The following CWC25 variants were observed in gnomAD, a reference collection of about 807,000 sequenced individuals.
CWC25 encodes the protein pre-mRNA-splicing factor CWC25 homolog.
A neutral mutation model predicts 54.6 loss-of-function variants in CWC25; 31 were observed. That is an observed-to-expected ratio of 0.57 (90% CI 0.43 to 0.77). The LOEUF (loss-of-function observed/expected upper bound fraction) is 0.77, where lower values mean the gene tolerates loss of function less well. Ranked by LOEUF, CWC25 falls within the 30% of genes least tolerant of loss-of-function variation. The pLI is 0.00. For missense variants in CWC25, 453 were observed against 529.3 expected (o/e 0.86, Z 1.41); for synonymous variants, 151 against 187.0 (o/e 0.81, Z 1.57).
chr17:38,810,314 GCT>G, intron 5 of CWC25, 152 bp downstream of exon 5: 1 of 743,180 alleles, frequency 1.3e-6, no homozygotes, highest in East Asian at 2.9e-5. Flanking sequence ...TAGATGGCAA[GCT>G]CTGTGGGCAC....
chr17:38,803,601 G>C (rs1273485713), intron 8 of CWC25, among the ~76,000 whole-genome samples: 5 of 151,586 alleles, frequency 3.3e-5, no homozygotes, highest in Non-Finnish European at 7.4e-5. Flanking sequence ...CTGCACTCCA[G>C]CCTGGGTGAC....
chr17:38,802,892 C>T (rs1323457441), intron 8 of CWC25, 31 bp from the exon 9 acceptor site: 2 of 1,611,634 alleles, frequency 1.2e-6, no homozygotes, highest in Non-Finnish European at 1.7e-6. Context: ...ACGATCAGGT[C>T]TCTTCCAGCA....
intron 3 of CWC25, among the ~76,000 whole-genome samples, chr17:38,814,177 T>A (rs1398719726): frequency 6.6e-6 from 1 of 152,096 alleles, no homozygotes; most frequent in Non-Finnish European, 1.5e-5. Flanking sequence ...TGTTTTTTGA[T>A]GGTTATAGAG....
chr17:38,819,509 A>C (rs1352149735), intron 2 of CWC25, among the ~76,000 whole-genome samples: 2 of 151,660 alleles, frequency 1.3e-5, no homozygotes, highest in Non-Finnish European at 2.9e-5. Context: ...TAGGACTACA[A>C]ATGCATGCTA....
chr17:38,816,084 T>C (rs1472983661), intron 2 of CWC25, among the ~76,000 whole-genome samples: 2 of 151,956 alleles, frequency 1.3e-5, no homozygotes, highest in African/African-American at 4.8e-5. Flanking sequence ...AAAAAAGTGG[T>C]GAGAAAGTGG....
intron 2 of CWC25, 140 bp downstream of exon 2, chr17:38,820,761 A>C: frequency 9.6e-7 from 1 of 1,043,576 alleles, no homozygotes; most frequent in Non-Finnish European, 1.4e-6. Flanking sequence ...GTACATGCAA[A>C]GCCAACCTTA....
Position 38,802,859 on chromosome 17 carries a change from T to A in CWC25, c.1004A>T (p.Lys335Ile). 1 of 1,613,882 alleles carries A rather than the reference T, an allele frequency of 6.2e-7. No homozygotes were observed. Among genetic ancestry groups the A allele is most frequent in the Non-Finnish European group, 8.5e-7 (1 of 1,179,864 alleles). Residue 335 changes from lysine to isoleucine, a missense_variant and splice_region_variant, in exon 9 of 10, where the codon AAA becomes ATA. By Grantham distance (102) the Lys-to-Ile change is moderately radical. Coordinates refer to ENST00000614790, the MANE Select transcript of CWC25 (RefSeq NM_017748.5). ...QRRHAPGYTR[K>I]LSAEELERKR... The stretch of plus-strand genomic sequence containing the variant: ...TCGCTCTAATTCCTCTGCAGAGAGT[T>A]TTCTGTTGAGCACAGAAACCATACG...
Position 38,825,213 on chromosome 17 carries a change from A to G in CWC25, c.-30T>C. ...GTGGAGACGATTCCTCACTACGCGG[A>G]TCTGGAAGATTTCGGGAGGATCAAG... On this transcript the variant is annotated 5_prime_UTR_variant, in exon 1 of 10. Transcript: ENST00000614790. 1 of 1,584,076 alleles carries G rather than the reference A, an allele frequency of 6.3e-7. No homozygotes were observed. Among genetic ancestry groups the G allele is most frequent in the Non-Finnish European group, 8.6e-7 (1 of 1,166,384 alleles).
chr17:38,821,002 A>G lies in CWC25; in HGVS notation c.90T>C (p.His30=), dbSNP rs1911901145. 2.5e-6 allele frequency: 4 copies of G among 1,613,892 alleles called. No individual in the cohort carries two copies. The East Asian group carries it at 6.7e-5, about 27-fold the overall frequency. The change falls in exon 2 of 10, where the codon CAT becomes CAC. Residue 30 remains histidine, a synonymous_variant. Coordinates refer to ENST00000614790, the MANE Select transcript of CWC25 (RefSeq NM_017748.5). The part of the protein sequence containing the change: ...VEKVWKAEQK[H]EAERKKIEEL... Reference sequence around the variant, plus strand: ...CCTCAATCTTCTTCCGCTCAGCCTCATGCTTCTGCTCGGCCTTCCACACTT... The same window carrying G: ...CCTCAATCTTCTTCCGCTCAGCCTCGTGCTTCTGCTCGGCCTTCCACACTT...
intron 1 of CWC25, among the ~76,000 whole-genome samples, chr17:38,823,931 A>G (rs1912031814): frequency 6.6e-6 from 1 of 152,206 alleles, no homozygotes; most frequent in African/African-American, 2.4e-5. Context: ...TACCACCACT[A>G]CCACACACCC....
intron 4 of CWC25, among the ~76,000 whole-genome samples, chr17:38,812,487 C>T (rs529378354): frequency 1.6e-4 from 24 of 152,080 alleles, no homozygotes; most frequent in Non-Finnish European, 2.6e-4. Context: ...ATTAGCCGGG[C>T]GTGGTGGCAC....
rs769955663 is a variant in CWC25, at chr17:38,812,874, G to A, written c.429-10C>T. 1.6e-5 allele frequency: 23 copies of A among 1,430,294 alleles called. No homozygotes were observed. The South Asian group carries it at 2.2e-4, about 14-fold the overall frequency. 88.6% of individuals were successfully genotyped at this position (1,430,294 alleles called of 1,614,324 possible). ...CTCCTCCTCCTTCTTCCTAAAGAGA[G>A]ATAATTACAAAATTCATGACTATTT... On this transcript the variant is annotated splice_polypyrimidine_tract_variant and intron_variant, in intron 3 of 9. Transcript: ENST00000614790.
At chr17:38,824,721 T>TTAGGG (rs964095845) in intron 1 of CWC25, among the ~76,000 whole-genome samples, 167 of 152,128 alleles carry the variant, frequency 1.1e-3, no homozygotes, top group African/African-American at 3.9e-3. Flanking sequence ...AGGGCATGGC[T>TTAGGG]TAGGGTAGGG....
chr17:38,813,017 T>C (rs1911552787), intron 3 of CWC25, among the ~76,000 whole-genome samples, 153 bp from the exon 4 acceptor site: 1 of 152,036 alleles, frequency 6.6e-6, no homozygotes, highest in Non-Finnish European at 1.5e-5. Flanking sequence ...TCCCAGCTAC[T>C]TGGGAGGAGG....
chr17:38,818,044 G>A (rs1331203101), intron 2 of CWC25, among the ~76,000 whole-genome samples: 2 of 151,648 alleles, frequency 1.3e-5, no homozygotes, highest in East Asian at 1.9e-4. Context: ...TTGGGAGGCT[G>A]AAGCGGGCAG....
At chr17:38,816,333 T>C (rs1002122050) in intron 2 of CWC25, among the ~76,000 whole-genome samples, 1 of 151,974 alleles carries the variant, frequency 6.6e-6, no homozygotes, top group South Asian at 2.1e-4. Flanking sequence ...ACTGCAGCCT[T>C]GAATTCCTGG....
intron 8 of CWC25, among the ~76,000 whole-genome samples, chr17:38,803,401 G>A (rs553430557): frequency 2.2e-4 from 33 of 150,202 alleles, no homozygotes; most frequent in African/African-American, 7.6e-4. Flanking sequence ...AGGCCAAGGC[G>A]GGCAGATCAC....
intron 2 of CWC25, among the ~76,000 whole-genome samples, chr17:38,816,930 C>A (rs1253703629): frequency 1.3e-5 from 2 of 151,738 alleles, no homozygotes; most frequent in African/African-American, 4.8e-5. Flanking sequence ...GATCTGCCAG[C>A]CTTGGCCTCC....
Position 38,815,087 on chromosome 17 carries a change from C to G in CWC25, c.202G>C (p.Glu68Gln). The G allele has an allele frequency of 6.2e-7, 1 of 1,612,302 alleles. No individual in the cohort carries two copies. The highest frequency in any genetic ancestry group is 8.5e-7 in the Non-Finnish European group (1 of 1,179,226). Residue 68 changes from glutamate to glutamine, a missense_variant, in exon 3 of 10, where the codon GAA becomes CAA. Physicochemically the swap from Glu to Gln is conservative, Grantham distance 29. This residue lies in a region of CWC25 where 444 missense variants were observed against 499.2 expected (regional missense o/e 0.89). Coordinates refer to ENST00000614790, the MANE Select transcript of CWC25 (RefSeq NM_017748.5). ...EDVGAVKKKE[E>Q]KLDWMYQGPG... ...CCCTGGTACATCCAGTCCAACTTTTCTTCTTTTTTCCTGGTTCAAGGGAAG... is the reference window on the plus strand; with the variant it reads ...CCCTGGTACATCCAGTCCAACTTTTGTTCTTTTTTCCTGGTTCAAGGGAAG...
Sources: gnomAD v4.1 joint callset for allele counts (sites outside exome capture counted in the v4.1 genomes callset) on GRCh38, gnomAD v4.1.1 for gene constraint, gnomAD v4.1.1 regional missense constraint, MANE v1.5 for transcripts, NCBI Gene and HGNC (gene_info 2026-07-23, HGNC 2026-07-21) for gene names.